The following VPS33B variants were observed in gnomAD, a reference collection of about 807,000 sequenced individuals.
VPS33B encodes VPS33B late endosome and lysosome associated.
A neutral mutation model predicts 95.3 loss-of-function variants in VPS33B; 80 were observed. That is an observed-to-expected ratio of 0.84 (90% CI 0.70 to 1.01). The LOEUF (loss-of-function observed/expected upper bound fraction) is 1.01. Ranked by LOEUF, VPS33B falls within the 50% of genes least tolerant of loss-of-function variation. The pLI is 0.00. For synonymous variants in VPS33B, 280 were observed against 280.4 expected (o/e 1.00, Z 0.01); for missense variants, 715 against 773.4 (o/e 0.92, Z 0.90).
Position 91,002,029 on chromosome 15 carries a change from T to G in VPS33B, c.1405+21A>C, listed in dbSNP as rs764824678. 53 of 1,613,186 alleles carry G rather than the reference T, an allele frequency of 3.3e-5. 1 individual carries two copies. In the South Asian group the frequency reaches 5.6e-4, roughly 17 times the overall value. ...GTCAGGACAACAGCTGGAGCAGGGG[T>G]CACTTGTGCTCCCTGCTTACCTGCA... On this transcript the variant is annotated intron_variant, in intron 18 of 22. Coordinates refer to ENST00000333371, the MANE Select transcript of VPS33B (RefSeq NM_018668.5). This position sits in a 1 kb window ranked among gnomAD's most constrained non-coding sequence, Gnocchi z 4.7.
At chr15:91,014,277 C>T (rs1042572831) in intron 4 of VPS33B, 107 bp downstream of exon 4, 14 of 1,108,898 alleles carry the variant, frequency 1.3e-5, no homozygotes, top group Admixed American at 3.5e-5. Context: ...ACAAGTGCTA[C>T]GGCCAACTCA....
At position 91,008,940 on chromosome 15, in the gene VPS33B, G is replaced by T. The variant is rs76534119; in HGVS notation, c.403+861C>A. Among the ~76,000 whole-genome samples, 565 of 152,290 alleles carry T rather than the reference G, an allele frequency of 3.7e-3. 8 individuals carry two copies. The highest frequency in any genetic ancestry group is 0.013 in the African/African-American group (549 of 41,550). ...TGGGTAAAGTCTCTCTGGCTGGAGG[G>T]TGGCGAGTCAGGAGAAGGAAGCAGC... On this transcript the variant is annotated intron_variant, in intron 6 of 22. Transcript: ENST00000333371.
rs1036300139 is a variant in VPS33B at position 91,005,373 on chromosome 15, C to T, written c.1105+7G>A. The stretch of plus-strand genomic sequence containing the variant: ...GGGCAGTAGCACAGCAAGGCTGCGG[C>T]AGTTACCATGCTCAGTCTTGATTAG... On this transcript the variant is annotated splice_region_variant and intron_variant, in intron 14 of 22. Coordinates refer to ENST00000333371, the MANE Select transcript of VPS33B (RefSeq NM_018668.5). The surrounding 1 kb of genome is among the most constrained non-coding windows in gnomAD (Gnocchi z 6.4). 7.4e-6 allele frequency: 12 copies of T among 1,614,140 alleles called. No individual in the cohort carries two copies. The highest frequency in any genetic ancestry group is 1.0e-5 in the Non-Finnish European group (12 of 1,180,016).
At chr15:91,003,204 C>T in intron 16 of VPS33B, 73 bp from the exon 17 acceptor site, 1 of 1,459,582 alleles carries the variant, frequency 6.9e-7, no homozygotes, top group South Asian at 1.1e-5. Context: ...TACAGATCAA[C>T]CAGCAACGAA....
chr15:91,009,735 G>T lies in VPS33B; in HGVS notation c.403+66C>A. 1 of 1,588,350 alleles carries T rather than the reference G, an allele frequency of 6.3e-7. No individual in the cohort carries two copies. ...GTGGGGGTGGGGTGGGGGGGTTGGA[G>T]AACAACAACAGTTTTTTCTTCTGTA... On this transcript the variant is annotated intron_variant, in intron 6 of 22. Transcript: ENST00000333371. This position sits in a 1 kb window ranked among gnomAD's most constrained non-coding sequence, Gnocchi z 4.1.
rs79468010 is a variant in VPS33B, at chr15:91,000,408, A to C, written c.1581+82T>G. 1.5e-3 allele frequency: 2,091 copies of C among 1,361,920 alleles called. 24 individuals carry two copies. The African/African-American group carries it at 0.023, about 15-fold the overall frequency. 84.4% of individuals were successfully genotyped at this position (1,361,920 alleles called of 1,614,324 possible). On this transcript the variant is annotated intron_variant, in intron 20 of 22. Transcript: ENST00000333371. This position sits in a 1 kb window ranked among gnomAD's most constrained non-coding sequence, Gnocchi z 4.9. ...CAAGACTCCATCTCAAATAAAAAAAAAAAAACATTGAGACACGCCAGGGAC... is the reference window on the plus strand; with the variant it reads ...CAAGACTCCATCTCAAATAAAAAAACAAAAACATTGAGACACGCCAGGGAC...
Position 91,011,104 on chromosome 15 carries a change from G to A in VPS33B, c.358-1258C>T, listed in dbSNP as rs182078361. ...AATGGAGAAGGAAAGCAGAAATGGGGCCAAGAACTGGCATGGAACAGCTCA... is the reference window on the plus strand; with the variant it reads ...AATGGAGAAGGAAAGCAGAAATGGGACCAAGAACTGGCATGGAACAGCTCA... On this transcript the variant is annotated intron_variant, in intron 5 of 22. Coordinates refer to ENST00000333371, the MANE Select transcript of VPS33B (RefSeq NM_018668.5). This position sits in a 1 kb window ranked among gnomAD's most constrained non-coding sequence, Gnocchi z 5.5. Among the ~76,000 whole-genome samples, 61 of 152,318 alleles carry A rather than the reference G, an allele frequency of 4.0e-4. No individual in the cohort carries two copies. The highest frequency in any genetic ancestry group is 1.4e-3 in the African/African-American group (59 of 41,574).
chr15:91,012,877 A>G (rs1336450021), intron 5 of VPS33B, among the ~76,000 whole-genome samples: 4 of 152,242 alleles, frequency 2.6e-5, no homozygotes, highest in Non-Finnish European at 5.9e-5. Flanking sequence ...CTGTGTGAGC[A>G]TGGGCTTCAG....
intron 3 of VPS33B, among the ~76,000 whole-genome samples, 183 bp from the exon 4 acceptor site, chr15:91,014,616 G>A (rs1474920066): frequency 1.3e-5 from 2 of 152,046 alleles, no homozygotes; most frequent in East Asian, 1.9e-4. Flanking sequence ...CAACACAATG[G>A]GTATAATGTG....
Position 91,009,362 on chromosome 15 carries a change from AAT to A in VPS33B, c.403+437_403+438del, listed in dbSNP as rs1344153634. Among the ~76,000 whole-genome samples, 6 of 151,050 alleles carry A rather than the reference AAT, an allele frequency of 4.0e-5. No individual in the cohort carries two copies. The highest frequency in any genetic ancestry group is 1.5e-4 in the African/African-American group (6 of 40,944). ...ACTCTTGTTGCCCAGGCTGGAGTGC[AAT>A]GGCGTGATCTCGGCTCACTGCAACC... On this transcript the variant is annotated intron_variant, in intron 6 of 22. Coordinates refer to ENST00000333371, the MANE Select transcript of VPS33B (RefSeq NM_018668.5). This position sits in a 1 kb window ranked among gnomAD's most constrained non-coding sequence, Gnocchi z 4.1.
Position 90,999,958 on chromosome 15 carries a change from G to C in VPS33B, c.1599C>G (p.Ser533Arg). 1.9e-6 allele frequency: 3 copies of C among 1,614,238 alleles called. No homozygotes were observed. Among genetic ancestry groups the C allele is most frequent in the Non-Finnish European group, 2.5e-6 (3 of 1,180,044 alleles). Residue 533 changes from serine (S) to arginine (R), a missense_variant, in exon 21 of 23, where the codon AGC becomes AGG. Transcript: ENST00000333371. This position sits in a 1 kb window ranked among gnomAD's most constrained non-coding sequence, Gnocchi z 5.1. ...GTACCACCTCATCAAGGCCCTGCCA[G>C]CTTCGCCGCTCTAGCACCTGGGAAG... ...RIIEQVLERRSWQGLDEVVRL... is the reference protein window; with the variant it reads ...RIIEQVLERRRWQGLDEVVRL...
At chr15:91,004,596 A>T (rs1165011537) in intron 16 of VPS33B, among the ~76,000 whole-genome samples, 1 of 152,214 alleles carries the variant, frequency 6.6e-6, no homozygotes, top group Non-Finnish European at 1.5e-5. Context: ...AAATAAGGAC[A>T]GATGGAGTGA....
At chr15:91,020,912 A>C (rs1179586338) in intron 1 of VPS33B, among the ~76,000 whole-genome samples, 1 of 151,970 alleles carries the variant, frequency 6.6e-6, no homozygotes, top group Non-Finnish European at 1.5e-5. Flanking sequence ...TAGAAATAAA[A>C]TCTGGTCTAA....
rs973970800 is a variant in VPS33B, at chr15:91,015,405, C to T, written c.240-972G>A. 2.6e-5 allele frequency among the ~76,000 whole-genome samples: 4 copies of T among 151,408 alleles called. No homozygotes were observed. The highest frequency in any genetic ancestry group is 4.4e-5 in the Non-Finnish European group (3 of 67,854). Reference sequence around the variant, plus strand: ...AAAATAAAAGAACTATAAGGCCTGGCGAGGTGGTGCATGCCTATAATCCCA... The same window carrying T: ...AAAATAAAAGAACTATAAGGCCTGGTGAGGTGGTGCATGCCTATAATCCCA... On this transcript the variant is annotated intron_variant, in intron 3 of 22. Transcript: ENST00000333371. This position sits in a 1 kb window ranked among gnomAD's most constrained non-coding sequence, Gnocchi z 4.7.
Position 90,999,114 on chromosome 15 carries a change from C to T in VPS33B, c.1775-60G>A. 6.6e-7 allele frequency: 1 copy of T among 1,522,096 alleles called. No homozygotes were observed. The highest frequency in any genetic ancestry group is 9.1e-7 in the Non-Finnish European group (1 of 1,102,246). The allele number at this position is 1,522,096 out of a possible 1,614,324, so 94.3% of individuals were successfully genotyped here. ...ACAGATCTTAGGCCCCAACGGCAACCCATAGAGCCTCTCCAGTTCCACAGT... is the reference window on the plus strand; with the variant it reads ...ACAGATCTTAGGCCCCAACGGCAACTCATAGAGCCTCTCCAGTTCCACAGT... On this transcript the variant is annotated intron_variant, in intron 22 of 22. Transcript: ENST00000333371. The surrounding 1 kb of genome is among the most constrained non-coding windows in gnomAD (Gnocchi z 5.1).
Position 91,015,706 on chromosome 15 carries a change from T to G in VPS33B, c.239+1257A>C, listed in dbSNP as rs2040905417. Among the ~76,000 whole-genome samples the G allele has an allele frequency of 6.6e-6, 1 of 151,848 alleles. No homozygotes were observed. Among genetic ancestry groups the G allele is most frequent in the African/African-American group, 2.4e-5 (1 of 41,262 alleles). The stretch of plus-strand genomic sequence containing the variant: ...TATAGGCGGATGCAGTGCTGCACAC[T>G]TGTAATCCCAGTTACTCAGGAGACT... On this transcript the variant is annotated intron_variant, in intron 3 of 22. Coordinates refer to ENST00000333371, the MANE Select transcript of VPS33B (RefSeq NM_018668.5). The surrounding 1 kb of genome is among the most constrained non-coding windows in gnomAD (Gnocchi z 4.7).
chr15:91,001,324 AAAAG>A (rs1219746097), intron 19 of VPS33B, 61 bp downstream of exon 19: 13 of 1,335,284 alleles, frequency 9.7e-6, no homozygotes, highest in Middle Eastern at 1.9e-4. Context: ...AAAAAAAAAA[AAAAG>A]AAAAGTACTC....
chr15:91,019,719 C>T (rs974361853), intron 1 of VPS33B, among the ~76,000 whole-genome samples: 4 of 152,026 alleles, frequency 2.6e-5, no homozygotes, highest in African/African-American at 7.2e-5. Context: ...ATCCACAGAG[C>T]GCAAGCATGT....
chr15:91,002,251 A>G lies in VPS33B; in HGVS notation c.1273-69T>C. On this transcript the variant is annotated intron_variant, in intron 17 of 22. Transcript: ENST00000333371. The surrounding 1 kb of genome is among the most constrained non-coding windows in gnomAD (Gnocchi z 4.7). The stretch of plus-strand genomic sequence containing the variant: ...CATCTAGTACTGTCAGGTACTACAG[A>G]GTTGAGCAGAAGGACTATGAAGCCT... The G allele has an allele frequency of 6.3e-7, 1 of 1,593,134 alleles. No homozygotes were observed. Among genetic ancestry groups the G allele is most frequent in the Non-Finnish European group, 8.6e-7 (1 of 1,166,582 alleles).
Sources: allele counts gnomAD v4.1 joint callset (sites outside exome capture counted in the v4.1 genomes callset), GRCh38; gene constraint gnomAD v4.1.1; non-coding constraint Gnocchi (gnomAD v3.1); transcripts MANE v1.5; gene names NCBI Gene and HGNC (gene_info 2026-07-23, HGNC 2026-07-21).